The following MCTP2 variants were observed in gnomAD, a reference collection of about 807,000 sequenced individuals.
The protein encoded by MCTP2 is multiple C2 and transmembrane domain containing 2, also known as multiple C2 and transmembrane domain-containing protein 2.
MCTP2 carries 132 observed loss-of-function variants against 111.6 expected under a neutral mutation model. The ratio of observed to expected loss-of-function variants is 1.18; its 90% CI spans 1.03 to 1.37. MCTP2 has a LOEUF of 1.37. Ranked by LOEUF, MCTP2 falls within the 40% of genes most tolerant of loss-of-function variation. The pLI is 0.00. For synonymous variants in MCTP2, 395 were observed against 387.7 expected (o/e 1.02, Z -0.22); for missense variants, 1,183 against 1,067.9 (o/e 1.11, Z -1.50).
At position 94,335,070 on chromosome 15, in the gene MCTP2, C is replaced by A. The variant is rs188823799; in HGVS notation, c.638-4220C>A. On this transcript the variant is annotated intron_variant, in intron 4 of 22. Coordinates refer to ENST00000357742, the MANE Select transcript of MCTP2 (RefSeq NM_001385001.1). ...TCTTGTGGTCTGGTGCCAGCTTTCT[C>A]CTCAGTCCTCAACTGTCTGTTGCTA... is the stretch of plus-strand genomic sequence containing the variant. Among the ~76,000 whole-genome samples the A allele has an allele frequency of 2.6e-5, 4 of 152,278 alleles. No homozygotes were observed. In the East Asian group the frequency reaches 7.7e-4, roughly 29 times the overall value.
chr15:94,267,412 A>G (rs2152291962), intron 1 of MCTP2, among the ~76,000 whole-genome samples: 1 of 152,258 alleles, frequency 6.6e-6, no homozygotes, highest in Non-Finnish European at 1.5e-5. Context: ...TTTGTTGGTG[A>G]GTAGTATTCC....
intron 4 of MCTP2, among the ~76,000 whole-genome samples, chr15:94,323,581 G>A (rs2076720250): frequency 6.6e-6 from 1 of 152,154 alleles, no homozygotes; most frequent in Admixed American, 6.5e-5. Flanking sequence ...ACAATAGGAG[G>A]TCTGGTATTG....
rs778799241 is a variant in MCTP2 at position 94,298,750 on chromosome 15, C to T, written c.465+20C>T. Reference sequence around the variant, plus strand: ...CCAGAGGTGAGAATAGGGCTGGGCTCTCTTTTTTTTTGTCTCTCTCTCTCT... The same window carrying T: ...CCAGAGGTGAGAATAGGGCTGGGCTTTCTTTTTTTTTGTCTCTCTCTCTCT... On this transcript the variant is annotated intron_variant, in intron 2 of 22. Transcript: ENST00000357742. 7.3e-6 allele frequency: 11 copies of T among 1,503,062 alleles called. No individual in the cohort carries two copies. The highest frequency in any genetic ancestry group is 1.3e-5 in the South Asian group (1 of 77,780). The allele number at this position is 1,503,062 out of a possible 1,614,324, so 93.1% of individuals were successfully genotyped here. A position where few individuals can be genotyped will look rare whatever the true frequency, so the allele number is the denominator to read the frequency against.
intron 1 of MCTP2, among the ~76,000 whole-genome samples, chr15:94,276,614 C>T (rs780352393): frequency 4.0e-5 from 6 of 150,016 alleles, no homozygotes; most frequent in Non-Finnish European, 8.8e-5. Flanking sequence ...ATAATATGTT[C>T]GTAATCTGAA....
rs2082206168 is a variant in MCTP2, at chr15:94,412,706, A to C, written c.2085+10687A>C. 1.3e-5 allele frequency among the ~76,000 whole-genome samples: 2 copies of C among 152,100 alleles called. 1 individual carries two copies. Among genetic ancestry groups the C allele is most frequent in the South Asian group, 4.1e-4 (2 of 4,822 alleles). On this transcript the variant is annotated intron_variant, in intron 17 of 22. Transcript: ENST00000357742. ...TTCTTCAGCTAAGTATGCCTTTGTT[A>C]ATAGCCACATTTCTTCTGCTCTGGG...
chr15:94,367,443 G>C (rs72647773), intron 10 of MCTP2, among the ~76,000 whole-genome samples, 162 bp from the exon 11 acceptor site: 1 of 152,014 alleles, frequency 6.6e-6, no homozygotes, highest in African/African-American at 2.4e-5. Flanking sequence ...TTAGGCTGGG[G>C]GTGAGCATTA....
intron 1 of MCTP2, among the ~76,000 whole-genome samples, chr15:94,287,812 A>T (rs1193193968): frequency 1.3e-5 from 2 of 152,198 alleles, no homozygotes; most frequent in Admixed American, 1.3e-4. Context: ...TGGACCAATT[A>T]TCCAGCGTGA....
At chr15:94,462,238 T>A (rs972271045) in intron 20 of MCTP2, among the ~76,000 whole-genome samples, 8 of 152,212 alleles carry the variant, frequency 5.3e-5, no homozygotes, top group African/African-American at 1.7e-4. Flanking sequence ...TTAAGTGGGC[T>A]GAAATTTAGA....
In MCTP2 at chr15:94,479,152, C is replaced by G; in HGVS notation, c.*118C>G. On this transcript the variant is annotated 3_prime_UTR_variant, in exon 23 of 23. Transcript: ENST00000357742. The stretch of plus-strand genomic sequence containing the variant: ...TCTGAAATGCATGCCCTGTGGCACC[C>G]TCTGTATACTTCCTCCTCCTTCACG... 1.1e-6 allele frequency: 1 copy of G among 903,938 alleles called. No individual in the cohort carries two copies. Among genetic ancestry groups the G allele is most frequent in the Non-Finnish European group, 1.8e-6 (1 of 547,862 alleles). 56.0% of individuals were successfully genotyped at this position (903,938 alleles called of 1,614,324 possible).
chr15:94,433,889 T>C (rs2083319902), intron 17 of MCTP2, among the ~76,000 whole-genome samples: 1 of 152,214 alleles, frequency 6.6e-6, no homozygotes, highest in African/African-American at 2.4e-5. Flanking sequence ...TAGGTATTAA[T>C]ATGGCTTTTT....
intron 4 of MCTP2, among the ~76,000 whole-genome samples, chr15:94,328,407 T>C (rs147402170): frequency 0.022 from 3,415 of 152,252 alleles, 60 homozygotes; most frequent in Non-Finnish European, 0.035. Context: ...GGATTCCAGG[T>C]GTGAGCCACC....
intron 19 of MCTP2, among the ~76,000 whole-genome samples, chr15:94,454,255 A>T (rs1426031279): frequency 1.3e-5 from 2 of 152,240 alleles, no homozygotes; most frequent in East Asian, 1.9e-4. Flanking sequence ...GCAAATTTTG[A>T]TGGAGCAAAT....
intron 20 of MCTP2, among the ~76,000 whole-genome samples, chr15:94,459,981 C>G (rs996774600): frequency 1.3e-5 from 2 of 152,162 alleles, no homozygotes; most frequent in African/African-American, 4.8e-5. Context: ...AACTGAATCA[C>G]AGAGTGATTA....
chr15:94,459,227 T>A (rs2152527391), intron 20 of MCTP2, among the ~76,000 whole-genome samples: 1 of 152,358 alleles, frequency 6.6e-6, no homozygotes, highest in East Asian at 1.9e-4. Context: ...ATCATTCTAG[T>A]TTCTTTAAGA....
At position 94,315,526 on chromosome 15, in the gene MCTP2, C is replaced by T; in HGVS notation, c.529-3C>T. 1 of 1,609,634 alleles carries T rather than the reference C, an allele frequency of 6.2e-7. No homozygotes were observed. The highest frequency in any genetic ancestry group is 8.5e-7 in the Non-Finnish European group (1 of 1,176,078). ...GTCTTAACTGCCTTCTCCATCTGTGCAGGTACCGGGGGAAGCCAGTGATGG... is the reference window on the plus strand; with the variant it reads ...GTCTTAACTGCCTTCTCCATCTGTGTAGGTACCGGGGGAAGCCAGTGATGG... On this transcript the variant is annotated splice_region_variant and splice_polypyrimidine_tract_variant and intron_variant, in intron 3 of 22. Coordinates refer to ENST00000357742, the MANE Select transcript of MCTP2 (RefSeq NM_001385001.1).
intron 1 of MCTP2, among the ~76,000 whole-genome samples, chr15:94,235,807 C>T (rs550501099): frequency 6.6e-6 from 1 of 152,316 alleles, no homozygotes; most frequent in African/African-American, 2.4e-5. Flanking sequence ...TTAGAACCTT[C>T]CTCTTTTATC....
intron 20 of MCTP2, among the ~76,000 whole-genome samples, chr15:94,469,800 G>C (rs1045807012): frequency 6.6e-6 from 1 of 152,014 alleles, no homozygotes; most frequent in Non-Finnish European, 1.5e-5. Context: ...TGAGCCTGGG[G>C]GGTCGAGGCT....
intron 20 of MCTP2, among the ~76,000 whole-genome samples, chr15:94,466,726 A>G (rs1198528403): frequency 6.6e-6 from 1 of 152,096 alleles, no homozygotes; most frequent in Non-Finnish European, 1.5e-5. Flanking sequence ...GAAAATTGAC[A>G]TTGGAGCTTA....
At chr15:94,465,608 CTTTCAACCTGTCTTTTTG>C (rs2073208933) in intron 20 of MCTP2, among the ~76,000 whole-genome samples, 1 of 152,086 alleles carries the variant, frequency 6.6e-6, no homozygotes, top group South Asian at 2.1e-4. Context: ...CTGTACTTTT[CTTTCAACCTGTCTTTTTG>C]TTTCAAATGT....
Sources: gnomAD v4.1 joint callset for allele counts (sites outside exome capture counted in the v4.1 genomes callset) on GRCh38, gnomAD v4.1.1 for gene constraint, MANE v1.5 for transcripts, NCBI Gene and HGNC (gene_info 2026-07-23, HGNC 2026-07-21) for gene names.